The following PDPK1 variants were observed in gnomAD, a reference collection of about 807,000 sequenced individuals.
The protein encoded by PDPK1 is 3-phosphoinositide-dependent protein kinase 1.
In PDPK1, 7 loss-of-function variants were observed where a neutral mutation model predicts 39.8. The observed-to-expected ratio is 0.18, with a 90% CI of 0.10 to 0.33. The LOEUF is 0.33. PDPK1 is among the 10% of genes least tolerant of loss of function. PDPK1 has a pLI of 1.00. For synonymous variants in PDPK1, 118 were observed against 159.1 expected (o/e 0.74, Z 1.95); for missense variants, 182 against 384.7 (o/e 0.47, Z 4.41).
chr16:2,538,246 T>C, intron 1 of PDPK1, 110 bp downstream of exon 1: 1 of 457,216 alleles, frequency 2.2e-6, no homozygotes, highest in Non-Finnish European at 2.9e-6. Context: ...GCCGGGTGCC[T>C]CCTTACCTGC....
Position 2,598,436 on chromosome 16 carries a change from T to A in PDPK1, c.*669T>A, listed in dbSNP as rs1323353479. The stretch of plus-strand genomic sequence containing the variant: ...TTGCGTGGTGAGGAGCGGGAGGGGT[T>A]GGAGTGGTGCGGGAGCAGGCTGCCG... On this transcript the variant is annotated 3_prime_UTR_variant, in exon 14 of 14. Transcript: ENST00000342085. 4.3e-6 allele frequency: 1 copy of A among 234,242 alleles called. No homozygotes were observed. Among genetic ancestry groups the A allele is most frequent in the Non-Finnish European group, 8.4e-6 (1 of 118,824 alleles). 14.5% of individuals were successfully genotyped at this position (234,242 alleles called of 1,614,324 possible).
chr16:2,584,750 G>T (rs1393480589), intron 10 of PDPK1, among the ~76,000 whole-genome samples: 2 of 150,806 alleles, frequency 1.3e-5, no homozygotes, highest in Admixed American at 1.3e-4. Context: ...TACCTGCTGT[G>T]TAACGCCCCT....
intron 11 of PDPK1, among the ~76,000 whole-genome samples, chr16:2,591,592 C>T (rs1262469914): frequency 1.3e-5 from 2 of 152,182 alleles, no homozygotes; most frequent in African/African-American, 4.8e-5. Flanking sequence ...TGAGTATACT[C>T]CTCCCTTTTC....
intron 12 of PDPK1, among the ~76,000 whole-genome samples, chr16:2,596,879 C>T (rs2067113900): frequency 6.6e-6 from 1 of 152,018 alleles, no homozygotes; most frequent in African/African-American, 2.4e-5. Flanking sequence ...GCCAGGGGAG[C>T]CATGGGCCCG....
At chr16:2,541,212 T>C (rs9938726) in intron 1 of PDPK1, among the ~76,000 whole-genome samples, 10,198 of 152,192 alleles carry the variant, frequency 0.067, 1,143 homozygotes, top group African/African-American at 0.23. Flanking sequence ...CAGCTCTTCT[T>C]GACAGGTCTT....
At position 2,597,893 on chromosome 16, in the gene PDPK1, G is replaced by C. The variant is rs2067136172; in HGVS notation, c.*126G>C. 1.7e-6 allele frequency: 1 copy of C among 605,648 alleles called. No homozygotes were observed. Among genetic ancestry groups the C allele is most frequent in the Non-Finnish European group, 2.9e-6 (1 of 340,052 alleles). The allele number at this position is 605,648 out of a possible 1,614,324, so 37.5% of individuals were successfully genotyped here. ...AGGGGAACGCAGAGGCGGAAACCTT[G>C]CAGCATTTTTATTTAAAAGAAAAGA... On this transcript the variant is annotated 3_prime_UTR_variant, in exon 14 of 14. Transcript: ENST00000342085. This position sits in a 1 kb window ranked among gnomAD's most constrained non-coding sequence, Gnocchi z 6.3.
chr16:2,586,960 G>A (rs1597062457), intron 11 of PDPK1, 67 bp downstream of exon 11: 1 of 1,405,852 alleles, frequency 7.1e-7, no homozygotes, highest in Non-Finnish European at 1.0e-6. Context: ...GGGGCTTATG[G>A]TGGGTGCCTT....
chr16:2,592,991 C>G (rs950352963), intron 11 of PDPK1: 6 of 456,564 alleles, frequency 1.3e-5, no homozygotes, highest in African/African-American at 1.2e-4. Context: ...GGTGACACTG[C>G]TGGGAGTGCC....
At chr16:2,543,449 G>A (rs1278158916) in intron 1 of PDPK1, among the ~76,000 whole-genome samples, 1 of 110,624 alleles carries the variant, frequency 9.0e-6, no homozygotes, top group East Asian at 2.5e-4. Context: ...GGACTTGCTG[G>A]CTGGTCCCCA....
Position 2,597,925 on chromosome 16 carries a change from AAAAC to A in PDPK1, c.*160_*163del. ...TTTTATTTAAAAGAAAAGAAGAAAA[AAAAC>A]ACCCAACCACACAAAGAACAAAACC... On this transcript the variant is annotated 3_prime_UTR_variant, in exon 14 of 14. Transcript: ENST00000342085. This position sits in a 1 kb window ranked among gnomAD's most constrained non-coding sequence, Gnocchi z 6.3. 1 of 593,484 alleles carries A rather than the reference AAAAC, an allele frequency of 1.7e-6. No homozygotes were observed. Among genetic ancestry groups the A allele is most frequent in the East Asian group, 2.8e-5 (1 of 35,626 alleles). 36.8% of individuals were successfully genotyped at this position (593,484 alleles called of 1,614,324 possible).
At chr16:2,551,549 A>G (rs914300107) in intron 1 of PDPK1, among the ~76,000 whole-genome samples, 3 of 151,078 alleles carry the variant, frequency 2.0e-5, no homozygotes, top group Admixed American at 6.8e-5. Flanking sequence ...CAGAGCACAC[A>G]CTGCCATTTA....
chr16:2,538,917 C>T (rs894861859), intron 1 of PDPK1: 8 of 479,748 alleles, frequency 1.7e-5, no homozygotes, highest in Non-Finnish European at 2.0e-5. Flanking sequence ...CTAAGTTCTA[C>T]AGTCTGGGGA....
intron 7 of PDPK1, among the ~76,000 whole-genome samples, chr16:2,577,836 T>A (rs2066745692): frequency 6.7e-6 from 1 of 149,180 alleles, no homozygotes; most frequent in African/African-American, 2.5e-5. Flanking sequence ...CCTCCCGGGT[T>A]CAAGCAATTC....
At position 2,557,884 on chromosome 16, in the gene PDPK1, A is replaced by G. The variant is rs1365702484; in HGVS notation, c.206A>G (p.Gln69Arg). 1 of 1,608,472 alleles carries G rather than the reference A, an allele frequency of 6.2e-7. No homozygotes were observed. Among genetic ancestry groups the G allele is most frequent in the Non-Finnish European group, 8.5e-7 (1 of 1,177,196 alleles). Residue 69 changes from glutamine (Q) to arginine (R), a missense_variant, in exon 2 of 14, where the codon CAG becomes CGG. Gln to Arg is a conservative substitution (Grantham distance 43). Around this residue, in one of 5 missense-constraint regions of PDPK1, gnomAD observed 8 missense variants for 146.1 expected, o/e 0.05. Transcript: ENST00000342085. Reference protein sequence around the residue: ...RPGAGSLQHAQPPPQPRKKRP... With the variant: ...RPGAGSLQHARPPPQPRKKRP... ...GGCGCCGGCTCCCTGCAGCATGCCC[A>G]GCCTCCGCCGCAGCCTCGGAAGAAG...
chr16:2,588,068 A>C (rs1473890522), intron 11 of PDPK1, among the ~76,000 whole-genome samples: 1 of 152,134 alleles, frequency 6.6e-6, no homozygotes, highest in Non-Finnish European at 1.5e-5. Flanking sequence ...GACAGGACAC[A>C]TGTGACTTGA....
chr16:2,596,780 C>T (rs2067110902), intron 12 of PDPK1, among the ~76,000 whole-genome samples: 1 of 152,110 alleles, frequency 6.6e-6, no homozygotes, highest in Non-Finnish European at 1.5e-5. Context: ...CTGTTCCTGG[C>T]CGTATGTCCT....
intron 2 of PDPK1, among the ~76,000 whole-genome samples, chr16:2,559,737 ATCTTGACTGAAAAAGG>A: frequency 6.9e-6 from 1 of 144,802 alleles, no homozygotes; most frequent in Non-Finnish European, 1.5e-5. Context: ...CTTAACATTT[ATCTTGACTGAAAAAGG>A]AAGACTCATC....
At position 2,587,333 on chromosome 16, in the gene PDPK1, C is replaced by T. The variant is rs116623183; in HGVS notation, c.1343+440C>T. On this transcript the variant is annotated intron_variant, in intron 11 of 13. Coordinates refer to ENST00000342085, the MANE Select transcript of PDPK1 (RefSeq NM_002613.5). ...CAGGGCTGGGGATCTGTCGCGGGGG[C>T]GCCAGGAATCTGCCTTTCCCAATGC... Among the ~76,000 whole-genome samples, 799 of 152,182 alleles carry T rather than the reference C, an allele frequency of 5.3e-3. 3 individuals are homozygous for T. The highest frequency in any genetic ancestry group is 0.017 in the African/African-American group (724 of 41,534).
chr16:2,585,819 A>G (rs1460955895), intron 10 of PDPK1, among the ~76,000 whole-genome samples: 3 of 152,236 alleles, frequency 2.0e-5, no homozygotes, highest in African/African-American at 7.2e-5. Flanking sequence ...GCATGTGTGG[A>G]TGGTTGCGTG....
Sources: gnomAD v4.1 joint callset for allele counts (sites outside exome capture counted in the v4.1 genomes callset) on GRCh38, gnomAD v4.1.1 for gene constraint, gnomAD v4.1.1 regional missense constraint, Gnocchi (gnomAD v3.1) non-coding constraint, MANE v1.5 for transcripts, NCBI Gene and HGNC (gene_info 2026-07-23, HGNC 2026-07-21) for gene names.